The following FRMD4B variants were observed in gnomAD, a reference collection of about 807,000 sequenced individuals.
The protein encoded by FRMD4B is FERM domain containing 4B.
In FRMD4B, 74 loss-of-function variants were observed where a neutral mutation model predicts 141.5. That is an observed-to-expected ratio of 0.52 (90% CI 0.43 to 0.63). FRMD4B has a LOEUF of 0.63. Among genes scored for constraint, FRMD4B ranks in the 30% least tolerant of loss-of-function variants. FRMD4B has a pLI of 0.00. For synonymous variants in FRMD4B, 506 were observed against 467.9 expected, an observed-to-expected ratio of 1.08 and a Z score of -1.05; for missense variants, 1,366 against 1,253.4, an observed-to-expected ratio of 1.09 and a Z score of -1.36.
chr3:69,249,477 A>G (rs1469334711), intron 6 of FRMD4B, among the ~76,000 whole-genome samples: 2 of 152,254 alleles, frequency 1.3e-5, no homozygotes, highest in Non-Finnish European at 2.9e-5. Context: ...TATGTATGTG[A>G]AAAAGCACAG....
intron 1 of FRMD4B, among the ~76,000 whole-genome samples, chr3:69,362,967 T>C (rs1424546490): frequency 6.1e-5 from 9 of 147,362 alleles, no homozygotes; most frequent in Non-Finnish European, 1.2e-4. Context: ...CCTGAGCTTA[T>C]ATTGTATCAG....
chr3:69,489,319 C>G (rs950537175), intron 1 of FRMD4B, among the ~76,000 whole-genome samples: 3 of 145,284 alleles, frequency 2.1e-5, no homozygotes, highest in African/African-American at 7.5e-5. Context: ...AAAATGTATA[C>G]ATATATAAAT....
At chr3:69,386,227 G>C (rs1313226839), upstream of FRMD4B, 1 of 423,590 alleles carries the variant, frequency 2.4e-6, no homozygotes, top group Non-Finnish European at 4.2e-6. Context: ...GTCCACCCCC[G>C]CCCGCTCGCA....
intron 5 of FRMD4B, among the ~76,000 whole-genome samples, chr3:69,265,903 A>T (rs567085075): frequency 1.3e-5 from 2 of 152,274 alleles, no homozygotes; most frequent in South Asian, 4.1e-4. Context: ...ATGTCATAAA[A>T]TAAAGAAGTG....
chr3:69,541,359 C>G (rs572459599), intron 1 of FRMD4B: 1 of 152,116 alleles, frequency 6.6e-6, no homozygotes, highest in Non-Finnish European at 1.5e-5. Context: ...TAATTATTAC[C>G]CCACCCAGGA....
At chr3:69,299,008 A>G (rs1376604515) in intron 4 of FRMD4B, among the ~76,000 whole-genome samples, 2 of 151,992 alleles carry the variant, frequency 1.3e-5, no homozygotes, top group Non-Finnish European at 1.5e-5. Flanking sequence ...GCAACTATTT[A>G]TCAGATGAAT....
chr3:69,257,762 A>G (rs906717555), intron 5 of FRMD4B, among the ~76,000 whole-genome samples: 1 of 152,006 alleles, frequency 6.6e-6, no homozygotes. Context: ...CCCAGGCTCA[A>G]GCAATTCTCC....
rs186217617 is a variant in FRMD4B at position 69,393,299 on chromosome 3, G to A, written c.-1+39335C>T. ...GTCTCCTTGCTCAAAGAAAAGAGGA[G>A]GGATGCTATCTATATTGTCTGAAGA... On this transcript the variant is annotated intron_variant, in intron 2 of 5. Transcript: ENST00000459638. Among the ~76,000 whole-genome samples the A allele has an allele frequency of 1.2e-3, 173 of 142,462 alleles. 1 individual carries two copies. The highest frequency in any genetic ancestry group is 7.3e-3 in the South Asian group (32 of 4,404). 93.5% of individuals were successfully genotyped at this position (142,462 alleles called of 152,430 possible). A position where few individuals can be genotyped will look rare whatever the true frequency, so the allele number is the denominator to read the frequency against.
chr3:69,321,719 A>ATT (rs10710995), intron 1 of FRMD4B, among the ~76,000 whole-genome samples: 1 of 150,550 alleles, frequency 6.6e-6, no homozygotes, highest in African/African-American at 2.4e-5. Context: ...TTCACAAATG[A>ATT]TTTTTTTTTT....
intron 17 of FRMD4B, among the ~76,000 whole-genome samples, chr3:69,192,154 T>G (rs1490602614): frequency 2.6e-5 from 4 of 151,782 alleles, no homozygotes. Flanking sequence ...GAGGCTGAGG[T>G]GGGAGGATTG....
intron 21 of FRMD4B, among the ~76,000 whole-genome samples, chr3:69,177,701 A>G (rs2092662545): frequency 6.6e-6 from 1 of 152,208 alleles, no homozygotes; most frequent in African/African-American, 2.4e-5. Flanking sequence ...AACTGAAAAG[A>G]CAAGCAAGAA....
chr3:69,461,081 T>A (rs1406850315), intron 1 of FRMD4B, among the ~76,000 whole-genome samples: 3 of 152,242 alleles, frequency 2.0e-5, no homozygotes, highest in Admixed American at 6.5e-5. Flanking sequence ...AGGAAAAGTT[T>A]GAATAGTTCT....
At chr3:69,421,088 C>T (rs1307775541) in intron 2 of FRMD4B, among the ~76,000 whole-genome samples, 2 of 152,204 alleles carry the variant, frequency 1.3e-5, no homozygotes, top group African/African-American at 2.4e-5. Flanking sequence ...GTCCACCCTA[C>T]CCATGGCCTG....
chr3:69,491,470 A>G (rs1169388522), intron 1 of FRMD4B, among the ~76,000 whole-genome samples: 7 of 152,246 alleles, frequency 4.6e-5, no homozygotes, highest in Non-Finnish European at 8.8e-5. Context: ...TAAAAGAGCT[A>G]GTGAGAGAAT....
intron 20 of FRMD4B, among the ~76,000 whole-genome samples, chr3:69,182,280 T>G (rs894349790): frequency 6.6e-5 from 10 of 152,146 alleles, no homozygotes; most frequent in African/African-American, 2.2e-4. Flanking sequence ...CCAGTGAATA[T>G]AAAACATTTA....
intron 3 of FRMD4B, among the ~76,000 whole-genome samples, chr3:69,307,599 A>G (rs772967327): frequency 1.4e-4 from 21 of 152,086 alleles, no homozygotes; most frequent in Non-Finnish European, 2.9e-4. Flanking sequence ...CTCAGCCTCC[A>G]AAGTGTTGAG....
In FRMD4B at chr3:69,181,715, AAG is replaced by A. The variant is rs766029125; in HGVS notation, c.2040-7_2040-6del. ...TGCTGAGATGAAGATTCGGGTCTGAAAGAGGAGAAAGGCAAACTTCTCAACAC... is the reference window on the plus strand; with the variant it reads ...TGCTGAGATGAAGATTCGGGTCTGAAAGGAGAAAGGCAAACTTCTCAACAC... On this transcript the variant is annotated splice_region_variant and splice_polypyrimidine_tract_variant and intron_variant, in intron 20 of 22. Transcript: ENST00000398540. 2.5e-6 allele frequency: 4 copies of A among 1,591,208 alleles called. No homozygotes were observed. In the African/African-American group the frequency reaches 5.4e-5, roughly 21 times the overall value.
At chr3:69,400,411 A>G (rs72937901) in intron 2 of FRMD4B, among the ~76,000 whole-genome samples, 5,558 of 152,192 alleles carry the variant, frequency 0.037, 343 homozygotes, top group African/African-American at 0.13. Context: ...TACCATTTAG[A>G]AGAAAATTTA....
In FRMD4B at chr3:69,216,350, C is replaced by A; in HGVS notation, c.790-1G>T. 1 of 1,512,414 alleles carries A rather than the reference C, an allele frequency of 6.6e-7. No individual in the cohort carries two copies. Among genetic ancestry groups the A allele is most frequent in the Admixed American group, 1.9e-5 (1 of 53,994 alleles). 93.7% of individuals were successfully genotyped at this position (1,512,414 alleles called of 1,614,324 possible). ...GCCACCAAGGAAGTCCTTGCTTATC[C>A]TAGAAGATGAAAAAGCATGAGAACC... On this transcript the variant is annotated splice_acceptor_variant, in intron 10 of 22. Transcript: ENST00000398540. LOFTEE classifies it high-confidence loss of function.
Sources: gnomAD v4.1 joint callset for allele counts (sites outside exome capture counted in the v4.1 genomes callset) on GRCh38, gnomAD v4.1.1 for gene constraint, MANE v1.5 for transcripts, NCBI Gene and HGNC (gene_info 2026-07-23, HGNC 2026-07-21) for gene names.